The following OCA2 variants were observed in gnomAD, a reference collection of about 807,000 sequenced individuals.
OCA2 encodes OCA2 melanosomal transmembrane protein, also known as P protein.
OCA2 carries 77 observed loss-of-function variants against 100.2 expected under a neutral mutation model. The observed-to-expected ratio is 0.77, with a 90% CI of 0.64 to 0.93. The LOEUF (loss-of-function observed/expected upper bound fraction) is 0.93, where lower values mean the gene tolerates loss of function less well. OCA2 is among the 40% of genes least tolerant of loss of function. The pLI is 0.00. For synonymous variants in OCA2, 432 were observed against 439.2 expected, an observed-to-expected ratio of 0.98 and a Z score of 0.21; for missense variants, 1,062 against 1,089.1, an observed-to-expected ratio of 0.98 and a Z score of 0.35.
At chr15:28,046,059 C>G (rs1361706704) in intron 2 of OCA2, among the ~76,000 whole-genome samples, 1 of 152,280 alleles carries the variant, frequency 6.6e-6, no homozygotes, top group East Asian at 1.9e-4. Flanking sequence ...CAGGGGACCA[C>G]AGAACCAAGT....
the OCA2 span, among the ~76,000 whole-genome samples, chr15:27,719,599 AAGTT>A: frequency 6.6e-6 from 1 of 152,206 alleles, no homozygotes; most frequent in East Asian, 1.9e-4. Flanking sequence ...ATATCTTAAA[AAGTT>A]AGACATGCAC....
At chr15:28,021,478 C>G (rs559016277) in intron 6 of OCA2, among the ~76,000 whole-genome samples, 2 of 152,364 alleles carry the variant, frequency 1.3e-5, no homozygotes, top group East Asian at 3.9e-4. Flanking sequence ...CCCCACACTT[C>G]AGAATCAGGC....
chr15:27,891,241 T>C (rs573203967), intron 19 of OCA2, among the ~76,000 whole-genome samples: 15 of 152,182 alleles, frequency 9.9e-5, no homozygotes, highest in Non-Finnish European at 2.1e-4. Flanking sequence ...GTAATTCTAA[T>C]AAGTCATGTA....
chr15:28,056,425 C>T (rs947821446), intron 2 of OCA2, among the ~76,000 whole-genome samples: 3 of 152,208 alleles, frequency 2.0e-5, no homozygotes, highest in East Asian at 1.9e-4. Flanking sequence ...AGGAACAAGA[C>T]GGGCTGTCTG....
At chr15:27,896,638 C>CAAA (rs58489908) in intron 19 of OCA2, 28 of 141,502 alleles carry the variant, frequency 2.0e-4, no homozygotes, top group African/African-American at 7.0e-4. Context: ...TTATTGACAG[C>CAAA]AAAAAAAAAA....
At chr15:27,866,983 G>A (rs897436916) in intron 21 of OCA2, among the ~76,000 whole-genome samples, 8 of 152,208 alleles carry the variant, frequency 5.3e-5, no homozygotes, top group African/African-American at 1.4e-4. Context: ...AGCAGCCAGC[G>A]TCGGGGCAGG....
chr15:27,953,086 T>C (rs12914580), intron 17 of OCA2, among the ~76,000 whole-genome samples: 76,787 of 152,134 alleles, frequency 0.5, 23,992 homozygotes, highest in Non-Finnish European at 0.72. Flanking sequence ...ATGATGAATG[T>C]CAATGTCTGT....
intron 18 of OCA2, among the ~76,000 whole-genome samples, chr15:27,932,066 T>A (rs974033935): frequency 2.6e-5 from 4 of 152,188 alleles, no homozygotes; most frequent in African/African-American, 9.7e-5. Context: ...CACATGTATG[T>A]AAATAACGTT....
chr15:27,780,204 C>T lies in OCA2; in HGVS notation c.2433-24732G>A, dbSNP rs190978601. On this transcript the variant is annotated intron_variant, in intron 23 of 23. Transcript: ENST00000354638. The stretch of plus-strand genomic sequence containing the variant: ...GAGAGGGGCGTAGGTGAACTCTGCA[C>T]TCTGCAAACCTCCCTGCCAGGCTAC... 4.6e-5 allele frequency among the ~76,000 whole-genome samples: 7 copies of T among 152,324 alleles called. No individual in the cohort carries two copies. In the East Asian group the frequency reaches 1.4e-3, roughly 29 times the overall value.
At chr15:27,753,506 G>A (rs112160547), downstream of OCA2, among the ~76,000 whole-genome samples, 4,847 of 152,136 alleles carry the variant, frequency 0.032, 255 homozygotes, top group African/African-American at 0.11. Context: ...GGCCGAGTCG[G>A]GTGGATCACG....
rs555189526 is a variant in OCA2, at chr15:28,071,173, A to C, written c.227+10475T>G. The stretch of plus-strand genomic sequence containing the variant: ...AGAATTATCAATAAAAAAATAAATT[A>C]AAAAAAAAAAAAGAAAAACACCTAG... On this transcript the variant is annotated intron_variant, in intron 2 of 23. Coordinates refer to ENST00000354638, the MANE Select transcript of OCA2 (RefSeq NM_000275.3). Among the ~76,000 whole-genome samples the C allele has an allele frequency of 1.1e-3, 90 of 84,708 alleles. 1 individual carries two copies. Among genetic ancestry groups the C allele is most frequent in the South Asian group, 8.1e-3 (20 of 2,456 alleles). 55.6% of individuals were successfully genotyped at this position (84,708 alleles called of 152,430 possible).
intron 2 of OCA2, among the ~76,000 whole-genome samples, chr15:28,052,235 T>C (rs1373343718): frequency 6.6e-6 from 1 of 152,096 alleles, no homozygotes; most frequent in African/African-American, 2.4e-5. Context: ...GAATCGAGAG[T>C]CCAAGTTTGC....
At chr15:28,038,018 TTCTCTA>T (rs1249206472) in intron 2 of OCA2, among the ~76,000 whole-genome samples, 1 of 152,162 alleles carries the variant, frequency 6.6e-6, no homozygotes, top group African/African-American at 2.4e-5. Flanking sequence ...CTCTTTCTCT[TTCTCTA>T]TCCCTATCTC....
In OCA2 at chr15:27,871,847, A is replaced by G. The variant is rs1445599361; in HGVS notation, c.2139+16T>C. On this transcript the variant is annotated intron_variant, in intron 20 of 23. Coordinates refer to ENST00000354638, the MANE Select transcript of OCA2 (RefSeq NM_000275.3). ...AACAGTGGCTGGAGTGCCTTCTATT[A>G]TAGCATTTATTTTACCTTTATTAGC... 2 of 1,540,700 alleles carry G rather than the reference A, an allele frequency of 1.3e-6. No individual in the cohort carries two copies. Among genetic ancestry groups the G allele is most frequent in the African/African-American group, 1.4e-5 (1 of 73,444 alleles).
intron 19 of OCA2, among the ~76,000 whole-genome samples, chr15:27,893,263 G>A (rs1458824979): frequency 6.6e-6 from 1 of 152,148 alleles, no homozygotes; most frequent in South Asian, 2.1e-4. Context: ...TCTTAATCCT[G>A]TTATCTTCAT....
chr15:28,091,931 G>A (rs148406211), intron 1 of OCA2, among the ~76,000 whole-genome samples: 170 of 152,238 alleles, frequency 1.1e-3, no homozygotes, highest in African/African-American at 4.0e-3. Context: ...ATTCCAGTCT[G>A]GGTGACAGAG....
intron 18 of OCA2, among the ~76,000 whole-genome samples, chr15:27,934,392 T>G (rs368801948): frequency 1.4e-4 from 22 of 152,302 alleles, no homozygotes; most frequent in African/African-American, 4.1e-4. Flanking sequence ...TACCACACAG[T>G]TCAGAAGACA....
chr15:27,904,706 G>C (rs2038102005), intron 19 of OCA2, among the ~76,000 whole-genome samples: 1 of 152,166 alleles, frequency 6.6e-6, no homozygotes, highest in South Asian at 2.1e-4. Context: ...AAGTTGCAAA[G>C]TACAAGGACA....
chr15:27,800,784 G>A (rs577865787), intron 23 of OCA2, among the ~76,000 whole-genome samples: 9 of 147,264 alleles, frequency 6.1e-5, no homozygotes, highest in Non-Finnish European at 1.2e-4. Flanking sequence ...GGGCAACATG[G>A]TAAAACCCTA....
Sources: gnomAD v4.1 joint callset for allele counts (sites outside exome capture counted in the v4.1 genomes callset) on GRCh38, gnomAD v4.1.1 for gene constraint, MANE v1.5 for transcripts, NCBI Gene and HGNC (gene_info 2026-07-23, HGNC 2026-07-21) for gene names.